GRM8: variants seen among roughly 807,000 people sequenced by gnomAD.
GRM8 encodes glutamate metabotropic receptor 8, also known as metabotropic glutamate receptor 8.
GRM8 carries 47 observed loss-of-function variants against 87.2 expected under a neutral mutation model. The observed-to-expected ratio is 0.54, with a 90% CI of 0.43 to 0.69. The LOEUF is 0.69. Ranked by LOEUF, GRM8 falls within the 30% of genes least tolerant of loss-of-function variation. The pLI is 0.00. For synonymous variants in GRM8, 396 were observed against 404.5 expected, an observed-to-expected ratio of 0.98 and a Z score of 0.25; for missense variants, 1,019 against 1,139.2, an observed-to-expected ratio of 0.89 and a Z score of 1.52.
intron 3 of GRM8, among the ~76,000 whole-genome samples, chr7:126,940,104 A>C (rs1313772582): frequency 6.6e-6 from 1 of 152,228 alleles, no homozygotes; most frequent in African/African-American, 2.4e-5. Context: ...ACTAAAGCAC[A>C]TGCTTGAAAC....
chr7:126,925,549 A>T (rs1339345775), intron 3 of GRM8, among the ~76,000 whole-genome samples: 1 of 152,204 alleles, frequency 6.6e-6, no homozygotes, highest in Non-Finnish European at 1.5e-5. Flanking sequence ...TTCTAAAAAA[A>T]ATATTGTCCA....
chr7:126,614,107 C>T (rs777626993), intron 7 of GRM8, among the ~76,000 whole-genome samples: 86 of 152,284 alleles, frequency 5.6e-4, no homozygotes, highest in African/African-American at 1.9e-3. Flanking sequence ...CTCCAAGTAG[C>T]CTAACTGGGA....
intron 9 of GRM8, among the ~76,000 whole-genome samples, chr7:126,468,695 T>G (rs1804799167): frequency 6.6e-6 from 1 of 152,142 alleles, no homozygotes; most frequent in Admixed American, 6.6e-5. Context: ...AGTTCCAACC[T>G]GCTAAAATCT....
rs143190737 is a variant in GRM8, at chr7:127,103,119, A to G, written c.727+3377T>C. Among the ~76,000 whole-genome samples, 420 of 152,338 alleles carry G rather than the reference A, an allele frequency of 2.8e-3. 2 individuals carry two copies. Among genetic ancestry groups the G allele is most frequent in the African/African-American group, 9.7e-3 (402 of 41,584 alleles). On this transcript the variant is annotated intron_variant, in intron 3 of 10. Transcript: ENST00000339582. ...CAGCCCCCCAAAGTGCTGGGATTACAGGCATGAGCCATCACACCAAGTCTG... is the reference window on the plus strand; with the variant it reads ...CAGCCCCCCAAAGTGCTGGGATTACGGGCATGAGCCATCACACCAAGTCTG...
intron 3 of GRM8, among the ~76,000 whole-genome samples, chr7:126,966,889 G>A (rs1286849792): frequency 6.6e-6 from 1 of 152,178 alleles, no homozygotes. Flanking sequence ...AAGTCATGGG[G>A]CAGGAACAGC....
At chr7:126,931,782 G>A (rs568640194) in intron 3 of GRM8, among the ~76,000 whole-genome samples, 1 of 152,244 alleles carries the variant, frequency 6.6e-6, no homozygotes, top group Non-Finnish European at 1.5e-5. Flanking sequence ...CAACATTCTA[G>A]ACAAATGCCT....
rs561485305 is a variant in GRM8, at chr7:126,703,994, C to T, written c.1357+65871G>A. On this transcript the variant is annotated intron_variant, in intron 7 of 10. Coordinates refer to ENST00000339582, the MANE Select transcript of GRM8 (RefSeq NM_000845.3). ...TTCCTCAGGCCCAGGAAGAACTGGA[C>T]GACTTCTGTCTACCTATACTACCAG... Among the ~76,000 whole-genome samples, 95 of 152,242 alleles carry T rather than the reference C, an allele frequency of 6.2e-4. 1 individual carries two copies. The highest frequency in any genetic ancestry group is 2.2e-3 in the African/African-American group (93 of 41,556).
chr7:126,811,775 T>C (rs1440924705), intron 6 of GRM8, among the ~76,000 whole-genome samples: 2 of 152,070 alleles, frequency 1.3e-5, no homozygotes, highest in African/African-American at 2.4e-5. Context: ...GTCTTCAGGG[T>C]TTTCTAGATG....
At chr7:126,723,432 T>A (rs552385650) in intron 7 of GRM8, among the ~76,000 whole-genome samples, 9 of 151,946 alleles carry the variant, frequency 5.9e-5, no homozygotes, top group African/African-American at 1.9e-4. Flanking sequence ...GCCCGCAAAC[T>A]GATCTGGAAT....
chr7:126,520,330 T>C (rs959783435), intron 9 of GRM8, among the ~76,000 whole-genome samples: 2 of 152,136 alleles, frequency 1.3e-5, no homozygotes, highest in Non-Finnish European at 2.9e-5. Flanking sequence ...ATTCAATGAA[T>C]AGTGACCATT....
intron 3 of GRM8, among the ~76,000 whole-genome samples, chr7:127,083,728 C>G (rs1163563312): frequency 6.6e-6 from 1 of 152,102 alleles, no homozygotes; most frequent in East Asian, 1.9e-4. Flanking sequence ...TGCTGCCCCC[C>G]TCTTTCACAA....
At chr7:126,626,101 A>AGTGTGTGTGT (rs71312854) in intron 7 of GRM8, among the ~76,000 whole-genome samples, 2,590 of 148,800 alleles carry the variant, frequency 0.017, 31 homozygotes, top group African/African-American at 0.039. Context: ...ATATGAGAGA[A>AGTGTGTGTGT]GTGTGTGTGT....
At chr7:126,729,089 T>C (rs1813316720) in intron 7 of GRM8, among the ~76,000 whole-genome samples, 2 of 152,124 alleles carry the variant, frequency 1.3e-5, no homozygotes, top group African/African-American at 4.8e-5. Context: ...CAAGCTATCA[T>C]AGTGATTAAA....
At chr7:126,966,351 T>C (rs1056076175) in intron 3 of GRM8, among the ~76,000 whole-genome samples, 1 of 152,128 alleles carries the variant, frequency 6.6e-6, no homozygotes, top group Non-Finnish European at 1.5e-5. Flanking sequence ...TCCAGGCTGG[T>C]CTAGAACTCA....
intron 1 of GRM8, among the ~76,000 whole-genome samples, chr7:127,251,903 G>A (rs527844241): frequency 6.6e-6 from 1 of 152,146 alleles, no homozygotes; most frequent in African/African-American, 2.4e-5. Flanking sequence ...TCCCAAGCTC[G>A]CCGTGCTAAC....
chr7:126,898,400 T>C (rs34690384), intron 6 of GRM8, among the ~76,000 whole-genome samples: 22,394 of 152,230 alleles, frequency 0.15, 1,869 homozygotes, highest in Non-Finnish European at 0.2. Context: ...AACTGTCATA[T>C]GTTGCTTTTT....
At chr7:126,662,672 G>A (rs1299121089) in intron 7 of GRM8, among the ~76,000 whole-genome samples, 2 of 152,074 alleles carry the variant, frequency 1.3e-5, no homozygotes, top group African/African-American at 4.8e-5. Flanking sequence ...AGTCAGGAAA[G>A]CTCAAAAACA....
At chr7:126,879,071 G>C (rs577402084) in intron 6 of GRM8, among the ~76,000 whole-genome samples, 3 of 149,292 alleles carry the variant, frequency 2.0e-5, no homozygotes, top group African/African-American at 7.3e-5. Flanking sequence ...GCTGAGGCAG[G>C]AGAATTGCTT....
chr7:127,153,551 G>A (rs959339066), intron 2 of GRM8, among the ~76,000 whole-genome samples: 3 of 152,112 alleles, frequency 2.0e-5, no homozygotes, highest in Non-Finnish European at 4.4e-5. Context: ...GGGGAGAGTG[G>A]TGACTTGAAA....
Sources: gnomAD v4.1 joint callset for allele counts (sites outside exome capture counted in the v4.1 genomes callset) on GRCh38, gnomAD v4.1.1 for gene constraint, MANE v1.5 for transcripts, NCBI Gene and HGNC (gene_info 2026-07-23, HGNC 2026-07-21) for gene names.